Variants in TTC28 observed in about 807,000 individuals in gnomAD.
TTC28 encodes tetratricopeptide repeat protein 28.
Under a neutral mutation model 198.0 loss-of-function variants are expected in TTC28, and 61 were observed. That is an observed-to-expected ratio of 0.31 (90% confidence interval 0.25 to 0.38). The LOEUF (loss-of-function observed/expected upper bound fraction) is 0.38, where lower values mean the gene tolerates loss of function less well. TTC28 is among the 10% of genes least tolerant of loss of function. The probability of loss-of-function intolerance (pLI) is 1.00; values close to 1 mark genes in which losing one functional copy is unlikely to be tolerated. For synonymous variants in TTC28, 1,171 were observed against 1,297.8 expected, an observed-to-expected ratio of 0.90 and a Z score of 2.10; for missense variants, 2,678 against 3,164.0, an observed-to-expected ratio of 0.85 and a Z score of 3.69.
At chr22:28,578,051 T>C (rs2050178255) in intron 2 of TTC28, among the ~76,000 whole-genome samples, 1 of 152,162 alleles carries the variant, frequency 6.6e-6, no homozygotes, top group Non-Finnish European at 1.5e-5. Flanking sequence ...CTTTCCTTCC[T>C]TCCTATTTTC....
intron 2 of TTC28, among the ~76,000 whole-genome samples, chr22:28,457,501 C>T (rs1233621364): frequency 6.6e-6 from 1 of 152,124 alleles, no homozygotes; most frequent in African/African-American, 2.4e-5. Flanking sequence ...AAAAGAAAAC[C>T]TCTGCTTTAT....
At chr22:28,349,891 T>C (rs2045966081) in intron 2 of TTC28, among the ~76,000 whole-genome samples, 1 of 152,178 alleles carries the variant, frequency 6.6e-6, no homozygotes, top group African/African-American at 2.4e-5. Flanking sequence ...CCCAGTGCAC[T>C]CCTTGTAACC....
At chr22:28,167,516 C>G (rs1023574317) in intron 5 of TTC28, among the ~76,000 whole-genome samples, 1 of 152,218 alleles carries the variant, frequency 6.6e-6, no homozygotes, top group Non-Finnish European at 1.5e-5. Flanking sequence ...GCTGGTTCAA[C>G]ATACACAAAT....
intron 2 of TTC28, among the ~76,000 whole-genome samples, chr22:28,589,949 A>G (rs2050393666): frequency 6.7e-6 from 1 of 148,502 alleles, no homozygotes; most frequent in Non-Finnish European, 1.5e-5. Flanking sequence ...GAGGCAGAGA[A>G]CTGCTCGAAC....
At chr22:28,151,612 G>A (rs1253606299) in intron 6 of TTC28, among the ~76,000 whole-genome samples, 2 of 152,196 alleles carry the variant, frequency 1.3e-5, no homozygotes, top group East Asian at 3.8e-4. Context: ...CGATAGGTGT[G>A]GGGCACAGCA....
intron 2 of TTC28, among the ~76,000 whole-genome samples, chr22:28,482,365 C>G (rs1568971955): frequency 6.6e-6 from 1 of 151,928 alleles, no homozygotes; most frequent in East Asian, 1.9e-4. Flanking sequence ...GCGCCCTACA[C>G]GCCCAGGTAA....
chr22:27,993,988 G>A lies in TTC28; in HGVS notation c.5245-470C>T, dbSNP rs539872313. On this transcript the variant is annotated intron_variant, in intron 17 of 22. Transcript: ENST00000397906. ...CTTCCCACTCAGCCTTGGTCCCTCCGCACTGGCTTCTGGAGCCTATACCTC... is the reference window on the plus strand; with the variant it reads ...CTTCCCACTCAGCCTTGGTCCCTCCACACTGGCTTCTGGAGCCTATACCTC... Among the ~76,000 whole-genome samples, 8 of 152,274 alleles carry A rather than the reference G, an allele frequency of 5.3e-5. No individual in the cohort carries two copies. The East Asian group carries it at 1.2e-3, about 22-fold the overall frequency.
intron 2 of TTC28, among the ~76,000 whole-genome samples, chr22:28,476,709 G>C (rs553902609): frequency 6.6e-6 from 1 of 152,226 alleles, no homozygotes; most frequent in African/African-American, 2.4e-5. Flanking sequence ...TTTTGAAATA[G>C]AGTTTGACAG....
At chr22:28,562,127 T>C (rs771232802) in intron 2 of TTC28, among the ~76,000 whole-genome samples, 1 of 152,066 alleles carries the variant, frequency 6.6e-6, no homozygotes. Context: ...TACTAAAGCA[T>C]AGTAATTAAG....
chr22:28,033,535 A>G (rs763531626), intron 12 of TTC28, among the ~76,000 whole-genome samples: 2 of 152,150 alleles, frequency 1.3e-5, no homozygotes, highest in Non-Finnish European at 2.9e-5. Flanking sequence ...GGCTCTTACT[A>G]TCTGGTATGA....
At chr22:28,459,666 A>G (rs1029438962) in intron 2 of TTC28, among the ~76,000 whole-genome samples, 9 of 152,194 alleles carry the variant, frequency 5.9e-5, no homozygotes, top group African/African-American at 2.2e-4. Flanking sequence ...CAATGCAGCT[A>G]TCTTGCCTTT....
chr22:28,112,047 C>T (rs1231089615), intron 6 of TTC28, among the ~76,000 whole-genome samples: 2 of 152,282 alleles, frequency 1.3e-5, no homozygotes, highest in South Asian at 4.1e-4. Flanking sequence ...CCTCATTCAG[C>T]TGAGTGTCTT....
Position 28,034,820 on chromosome 22 carries a change from C to A in TTC28, c.3933-4454G>T, listed in dbSNP as rs1467646893. ...GTAGCTGCTTCATGGTACCCACCTG[C>A]CCTGCCAGCATCTGTTCCAGGGATC... is the stretch of plus-strand genomic sequence containing the variant. On this transcript the variant is annotated intron_variant, in intron 12 of 22. Coordinates refer to ENST00000397906, the MANE Select transcript of TTC28 (RefSeq NM_001145418.2). Among the ~76,000 whole-genome samples the A allele has an allele frequency of 2.0e-5, 3 of 152,184 alleles. No individual in the cohort carries two copies. In the East Asian group the frequency reaches 5.8e-4, roughly 29 times the overall value.
At chr22:28,616,774 G>A (rs368938724) in intron 2 of TTC28, among the ~76,000 whole-genome samples, 1 of 151,924 alleles carries the variant, frequency 6.6e-6, no homozygotes, top group Non-Finnish European at 1.5e-5. Context: ...TTAAGCCTGG[G>A]ATGTAGAGGC....
At position 28,161,881 on chromosome 22, in the gene TTC28, G is replaced by C. The variant is rs951503102; in HGVS notation, c.1441+1211C>G. On this transcript the variant is annotated intron_variant, in intron 6 of 22. Coordinates refer to ENST00000397906, the MANE Select transcript of TTC28 (RefSeq NM_001145418.2). The stretch of plus-strand genomic sequence containing the variant: ...GAAGAAAGAGGAAGGAAGGAAGGGA[G>C]GAAGGGATGAAGGGAAGGAAGGAGG... Among the ~76,000 whole-genome samples the C allele has an allele frequency of 5.8e-5, 7 of 121,720 alleles. No homozygotes were observed. The East Asian group carries it at 1.6e-3, about 29-fold the overall frequency. 79.9% of individuals were successfully genotyped at this position (121,720 alleles called of 152,430 possible).
At chr22:28,154,205 G>A (rs944537575) in intron 6 of TTC28, among the ~76,000 whole-genome samples, 2 of 152,058 alleles carry the variant, frequency 1.3e-5, no homozygotes, top group Non-Finnish European at 2.9e-5. Context: ...GCACATCTGA[G>A]GTTTGACTCC....
intron 12 of TTC28, among the ~76,000 whole-genome samples, chr22:28,089,567 T>A (rs1941743576): frequency 6.6e-6 from 1 of 151,216 alleles, no homozygotes; most frequent in African/African-American, 2.4e-5. Context: ...TAATGCTTAA[T>A]GACGAGTTAC....
intron 13 of TTC28, among the ~76,000 whole-genome samples, chr22:28,018,308 G>GCGCGC (rs1938460043): frequency 1.2e-5 from 1 of 81,852 alleles, no homozygotes; most frequent in African/African-American, 7.7e-5. Flanking sequence ...TGCGCGCGCG[G>GCGCGC]GGGGGGGGGC....
intron 2 of TTC28, among the ~76,000 whole-genome samples, chr22:28,603,588 T>A (rs553606630): frequency 6.6e-6 from 1 of 152,036 alleles, no homozygotes; most frequent in Non-Finnish European, 1.5e-5. Flanking sequence ...AGAGATGGGG[T>A]CTGGCTTTGT....
Sources: allele counts gnomAD v4.1 joint callset (sites outside exome capture counted in the v4.1 genomes callset), GRCh38; gene constraint gnomAD v4.1.1; transcripts MANE v1.5; gene names NCBI Gene and HGNC (gene_info 2026-07-23, HGNC 2026-07-21).